NCALD: variants seen among roughly 807,000 people sequenced by gnomAD.
NCALD encodes neurocalcin delta, also known as neurocalcin-delta.
A neutral mutation model predicts 18.6 loss-of-function variants in NCALD; 10 were observed. The observed-to-expected ratio is 0.54, with a 90% CI of 0.33 to 0.91. The LOEUF is 0.91. Among genes scored for constraint, NCALD ranks in the 40% least tolerant of loss-of-function variants. NCALD has a pLI of 0.03. For missense variants in NCALD, 184 were observed against 247.6 expected, an observed-to-expected ratio of 0.74 and a Z score of 1.72; for synonymous variants, 88 against 87.4, an observed-to-expected ratio of 1.01 and a Z score of -0.04.
intron 4 of NCALD, among the ~76,000 whole-genome samples, chr8:101,849,507 A>AT (rs1435114057): frequency 1.3e-5 from 2 of 152,018 alleles, no homozygotes; most frequent in African/African-American, 4.8e-5. Flanking sequence ...TCTGTAATCA[A>AT]TTTTTTTCCA....
At chr8:101,828,851 G>T (rs1318314738) in intron 4 of NCALD, among the ~76,000 whole-genome samples, 1 of 150,046 alleles carries the variant, frequency 6.7e-6, no homozygotes, top group Non-Finnish European at 1.5e-5. Flanking sequence ...TTTGTTTACT[G>T]TCTGTTTTGT....
intron 4 of NCALD, among the ~76,000 whole-genome samples, chr8:101,797,801 T>C (rs1395162082): frequency 6.6e-6 from 1 of 150,450 alleles, no homozygotes; most frequent in Non-Finnish European, 1.5e-5. Context: ...GGTGATACAG[T>C]GAGACTCCAT....
chr8:102,027,021 G>T (rs1270030750), intron 1 of NCALD, among the ~76,000 whole-genome samples: 1 of 152,196 alleles, frequency 6.6e-6, no homozygotes, highest in Non-Finnish European at 1.5e-5. Flanking sequence ...CTGAGATACA[G>T]GGCACTATGT....
intron 2 of NCALD, chr8:101,915,989 A>G (rs1015076530): frequency 7.2e-5 from 11 of 152,160 alleles, no homozygotes; most frequent in African/African-American, 2.4e-4. Flanking sequence ...ATGATTTACT[A>G]CTTGTTAATA....
At chr8:101,730,247 C>T (rs929369931) in intron 1 of NCALD, among the ~76,000 whole-genome samples, 15 of 151,774 alleles carry the variant, frequency 9.9e-5, no homozygotes, top group East Asian at 1.9e-4. Context: ...TTTGGGAGGC[C>T]GAGGCGGGCA....
rs181231083 is a variant in NCALD, at chr8:101,829,454, T to A, written c.-20+57687A>T. ...ATAAAGTTAACCCATATGGATGACA[T>A]CCTGTAACATTTTGTGTACTTCTGG... On this transcript the variant is annotated intron_variant, in intron 4 of 6. Transcript: ENST00000311028. 2.8e-3 allele frequency among the ~76,000 whole-genome samples: 424 copies of A among 152,342 alleles called. 2 individuals carry two copies. Among genetic ancestry groups the A allele is most frequent in the African/African-American group, 9.7e-3 (403 of 41,588 alleles).
intron 1 of NCALD, among the ~76,000 whole-genome samples, chr8:102,073,482 C>T (rs189585912): frequency 2.7e-4 from 41 of 149,954 alleles, no homozygotes; most frequent in African/African-American, 8.3e-4. Flanking sequence ...GTAACATGAT[C>T]GGAAAGAAAT....
Position 101,802,661 on chromosome 8 carries a change from T to C in NCALD, c.-19-83013A>G, listed in dbSNP as rs112156940. Among the ~76,000 whole-genome samples, 866 of 152,208 alleles carry C rather than the reference T, an allele frequency of 5.7e-3. 11 individuals carry two copies. Among genetic ancestry groups the C allele is most frequent in the African/African-American group, 0.018 (761 of 41,516 alleles). On this transcript the variant is annotated intron_variant, in intron 4 of 6. Transcript: ENST00000311028. Reference sequence around the variant, plus strand: ...GAGAAGATCAAATTAGCCACAACATTTCCTTAAGCCAAAGTCTGTTCTTAA... The same window carrying C: ...GAGAAGATCAAATTAGCCACAACATCTCCTTAAGCCAAAGTCTGTTCTTAA...
intron 4 of NCALD, among the ~76,000 whole-genome samples, chr8:101,855,228 T>A (rs1370680807): frequency 1.3e-5 from 2 of 152,156 alleles, no homozygotes; most frequent in African/African-American, 4.8e-5. Flanking sequence ...CTTAGGAGGA[T>A]AATACCCCAT....
chr8:101,892,622 A>T (rs969204078), intron 3 of NCALD, among the ~76,000 whole-genome samples: 3 of 149,692 alleles, frequency 2.0e-5, no homozygotes, highest in South Asian at 2.1e-4. Context: ...TGAAAAAAAT[A>T]TAGAAGAATG....
intron 4 of NCALD, among the ~76,000 whole-genome samples, chr8:101,819,267 AT>A (rs200616070): frequency 0.042 from 6,222 of 147,540 alleles, 276 homozygotes; most frequent in African/African-American, 0.1. Flanking sequence ...ACATAACTTT[AT>A]TTATTTATTT....
chr8:102,092,151 A>G (rs944623489), intron 1 of NCALD, among the ~76,000 whole-genome samples: 13 of 152,236 alleles, frequency 8.5e-5, no homozygotes, highest in Non-Finnish European at 1.8e-4. Flanking sequence ...CAAGATGGTG[A>G]TGACAGTGAC....
chr8:102,055,099 G>A (rs183508143), intron 1 of NCALD, among the ~76,000 whole-genome samples: 8 of 152,060 alleles, frequency 5.3e-5, no homozygotes, highest in Admixed American at 2.6e-4. Flanking sequence ...AGAGCAACCC[G>A]GAAGGACTAC....
At chr8:101,895,612 A>G (rs1358853119) in intron 3 of NCALD, among the ~76,000 whole-genome samples, 1 of 148,046 alleles carries the variant, frequency 6.8e-6, no homozygotes, top group Non-Finnish European at 1.5e-5. Flanking sequence ...TATCTAGAAA[A>G]CCCCACTGTC....
At chr8:101,742,533 T>C (rs189774537) in intron 1 of NCALD, among the ~76,000 whole-genome samples, 58 of 152,288 alleles carry the variant, frequency 3.8e-4, no homozygotes, top group Non-Finnish European at 7.1e-4. Flanking sequence ...TAAAAGAACA[T>C]AGAAGCACAG....
intron 2 of NCALD, among the ~76,000 whole-genome samples, chr8:101,997,948 T>C (rs577656519): frequency 1.4e-4 from 22 of 152,314 alleles, no homozygotes; most frequent in East Asian, 7.7e-4. Flanking sequence ...GAAATGATTA[T>C]TTAGTAATTA....
intron 1 of NCALD, among the ~76,000 whole-genome samples, chr8:101,776,575 T>C (rs2130926646): frequency 6.6e-6 from 1 of 152,108 alleles, no homozygotes; most frequent in South Asian, 2.1e-4. Context: ...CTACCAAACA[T>C]CACAACAAGC....
chr8:101,839,682 G>A (rs1814560778), intron 4 of NCALD, among the ~76,000 whole-genome samples: 1 of 152,150 alleles, frequency 6.6e-6, no homozygotes. Flanking sequence ...GTCACCCCAA[G>A]GGCTTCCATA....
chr8:101,854,537 T>C (rs1815228602), intron 4 of NCALD, among the ~76,000 whole-genome samples: 1 of 152,190 alleles, frequency 6.6e-6, no homozygotes, highest in African/African-American at 2.4e-5. Flanking sequence ...TTGTCAAATT[T>C]TCCTGGTCTT....
Sources: allele counts gnomAD v4.1 joint callset (sites outside exome capture counted in the v4.1 genomes callset), GRCh38; gene constraint gnomAD v4.1.1; transcripts MANE v1.5; gene names NCBI Gene and HGNC (gene_info 2026-07-23, HGNC 2026-07-21).